The following KCMF1 variants were observed in gnomAD, a reference collection of about 807,000 sequenced individuals.
KCMF1 encodes potassium channel modulatory factor 1.
In KCMF1, 3 loss-of-function variants were observed where a neutral mutation model predicts 41.1. The observed-to-expected ratio is 0.07, with a 90% CI of 0.03 to 0.19. The LOEUF (loss-of-function observed/expected upper bound fraction) is 0.19. KCMF1 is among the 10% of genes least tolerant of loss of function. KCMF1 has a pLI of 1.00. For synonymous variants in KCMF1, 142 were observed against 164.5 expected (o/e 0.86, Z 1.04); for missense variants, 286 against 488.9 (o/e 0.58, Z 3.91).
At chr2:85,012,167 G>A (rs1412082429) in intron 1 of KCMF1, among the ~76,000 whole-genome samples, 1 of 152,138 alleles carries the variant, frequency 6.6e-6, no homozygotes, top group African/African-American at 2.4e-5. Context: ...TTTCATTGAC[G>A]AGGAAAGCAA....
At chr2:84,971,952 G>T (rs1052182324) in intron 1 of KCMF1, 5 of 152,060 alleles carry the variant, frequency 3.3e-5, no homozygotes, top group Admixed American at 1.3e-4. Context: ...CCGGTCGCCG[G>T]GAGACGACGG....
chr2:85,030,604 T>A (rs369426365), intron 2 of KCMF1, among the ~76,000 whole-genome samples: 6 of 152,340 alleles, frequency 3.9e-5, no homozygotes, highest in African/African-American at 1.4e-4. Flanking sequence ...CTTTACCCAA[T>A]GCATTGTCTT....
intron 1 of KCMF1, among the ~76,000 whole-genome samples, chr2:85,024,203 G>A (rs181776363): frequency 2.6e-5 from 4 of 152,336 alleles, no homozygotes; most frequent in East Asian, 1.9e-4. Flanking sequence ...AAGGCCGAGC[G>A]TGGTGGCTCA....
chr2:84,977,279 T>G (rs568576963), intron 1 of KCMF1, among the ~76,000 whole-genome samples: 1 of 152,292 alleles, frequency 6.6e-6, no homozygotes, highest in South Asian at 2.1e-4. Flanking sequence ...CCAAGATTGG[T>G]AATTAGCATG....
chr2:85,051,590 C>G (rs1285441311), intron 6 of KCMF1, among the ~76,000 whole-genome samples: 1 of 152,170 alleles, frequency 6.6e-6, no homozygotes, highest in Admixed American at 6.5e-5. Context: ...TCATCTGATA[C>G]TGTACATTCT....
At chr2:85,006,405 A>G (rs1248634943) in intron 1 of KCMF1, among the ~76,000 whole-genome samples, 1 of 139,206 alleles carries the variant, frequency 7.2e-6, no homozygotes, top group Non-Finnish European at 1.5e-5. Context: ...GGTTCACGCC[A>G]TTCTCCTGCC....
At chr2:85,037,859 G>A (rs1675440496) in intron 3 of KCMF1, among the ~76,000 whole-genome samples, 1 of 152,186 alleles carries the variant, frequency 6.6e-6, no homozygotes, top group Admixed American at 6.5e-5. Context: ...GGTGAGCAGT[G>A]GGCCAGCGGA....
intron 1 of KCMF1, among the ~76,000 whole-genome samples, chr2:84,982,196 G>A (rs1477374750): frequency 6.6e-6 from 1 of 152,024 alleles, no homozygotes; most frequent in Non-Finnish European, 1.5e-5. Flanking sequence ...TGAATGGTTA[G>A]ATAACTAACA....
intron 1 of KCMF1, among the ~76,000 whole-genome samples, chr2:85,012,245 T>C (rs1208039306): frequency 6.6e-6 from 1 of 152,244 alleles, no homozygotes; most frequent in Non-Finnish European, 1.5e-5. Flanking sequence ...TTTGTTTACA[T>C]GCTCTTAAAG....
intron 1 of KCMF1, among the ~76,000 whole-genome samples, chr2:84,993,136 A>G (rs549443358): frequency 1.3e-5 from 2 of 151,842 alleles, no homozygotes; most frequent in African/African-American, 4.8e-5. Flanking sequence ...GTGGTGAGCC[A>G]TGATTGTGCC....
chr2:85,018,267 ATTTTTTTTTTTTT>A (rs373718008), intron 1 of KCMF1, among the ~76,000 whole-genome samples: 1 of 126,892 alleles, frequency 7.9e-6, no homozygotes, highest in Non-Finnish European at 1.6e-5. Flanking sequence ...ACTAAGCTAG[ATTTTTTTTTTTTT>A]TTTTTTTTTG....
At chr2:84,998,117 G>A (rs1316661492) in intron 1 of KCMF1, among the ~76,000 whole-genome samples, 6 of 151,720 alleles carry the variant, frequency 4.0e-5, no homozygotes, top group Admixed American at 3.3e-4. Flanking sequence ...TTGAGACGGA[G>A]TTTCTCTCTT....
intron 1 of KCMF1, among the ~76,000 whole-genome samples, chr2:85,013,521 C>T (rs373636548): frequency 5.9e-5 from 9 of 152,074 alleles, no homozygotes; most frequent in African/African-American, 2.2e-4. Flanking sequence ...GTGTTTAGAC[C>T]GGGCGCAGTG....
intron 1 of KCMF1, among the ~76,000 whole-genome samples, chr2:84,985,422 G>A (rs1455597046): frequency 1.3e-5 from 2 of 152,162 alleles, no homozygotes; most frequent in African/African-American, 4.8e-5. Flanking sequence ...TACATTTACC[G>A]TTCTTTTAAG....
intron 3 of KCMF1, among the ~76,000 whole-genome samples, chr2:85,041,031 A>G (rs1025385820): frequency 3.3e-5 from 5 of 152,010 alleles, no homozygotes; most frequent in Non-Finnish European, 2.9e-5. Flanking sequence ...AAGTGCTGGG[A>G]TTACAGGCAT....
At chr2:85,005,187 A>C (rs1347538131) in intron 1 of KCMF1, among the ~76,000 whole-genome samples, 1 of 152,160 alleles carries the variant, frequency 6.6e-6, no homozygotes, top group Non-Finnish European at 1.5e-5. Flanking sequence ...CATTACAGGC[A>C]TGAGCCGCCG....
intron 1 of KCMF1, among the ~76,000 whole-genome samples, chr2:84,980,577 G>T (rs1213028966): frequency 6.6e-6 from 1 of 152,002 alleles, no homozygotes; most frequent in Non-Finnish European, 1.5e-5. Flanking sequence ...TTGGCTCTCT[G>T]AGTTGTAGCA....
At chr2:85,023,010 C>A (rs1574030208) in intron 1 of KCMF1, among the ~76,000 whole-genome samples, 1 of 150,738 alleles carries the variant, frequency 6.6e-6, no homozygotes, top group East Asian at 2.0e-4. Flanking sequence ...GCCTCAGTCT[C>A]CCCAGAAGCT....
At chr2:85,008,291 T>TCATATATAATATGATATATA (rs1553379312) in intron 1 of KCMF1, among the ~76,000 whole-genome samples, 3 of 14,624 alleles carry the variant, frequency 2.1e-4, no homozygotes, top group African/African-American at 4.6e-4. Context: ...TGATATATAA[T>TCATATATAATATGATATATA]ATATATAATA....
Sources: gnomAD v4.1 joint callset for allele counts (sites outside exome capture counted in the v4.1 genomes callset) on GRCh38, gnomAD v4.1.1 for gene constraint, MANE v1.5 for transcripts, NCBI Gene and HGNC (gene_info 2026-07-23, HGNC 2026-07-21) for gene names.